ASH1L: variants seen among roughly 807,000 people sequenced by gnomAD.
The protein encoded by ASH1L is ASH1 like histone lysine methyltransferase, also known as histone-lysine N-methyltransferase ASH1L.
A neutral mutation model predicts 269.0 loss-of-function variants in ASH1L; 23 were observed. The observed-to-expected ratio is 0.09, with a 90% CI of 0.06 to 0.12. The LOEUF (loss-of-function observed/expected upper bound fraction) is 0.12. Ranked by LOEUF, ASH1L falls within the 10% of genes least tolerant of loss-of-function variation. ASH1L has a pLI of 1.00. For synonymous variants in ASH1L, 1,187 were observed against 1,253.5 expected (o/e 0.95, Z 1.12); for missense variants, 2,912 against 3,567.8 (o/e 0.82, Z 4.68).
intron 4 of ASH1L, among the ~76,000 whole-genome samples, chr1:155,459,397 T>C (rs931966191): frequency 1.3e-5 from 2 of 152,186 alleles, no homozygotes; most frequent in East Asian, 1.9e-4. Context: ...GGTTTCACCA[T>C]GTTGAACAGG....
At chr1:155,358,561 A>G (rs530667139) in intron 13 of ASH1L, among the ~76,000 whole-genome samples, 63 of 151,946 alleles carry the variant, frequency 4.1e-4, no homozygotes, top group Middle Eastern at 6.8e-3. Flanking sequence ...GGTGACAGGC[A>G]CCTGTAGTCC....
intron 3 of ASH1L, among the ~76,000 whole-genome samples, chr1:155,465,416 C>T (rs1049056464): frequency 6.6e-6 from 1 of 151,294 alleles, no homozygotes; most frequent in East Asian, 1.9e-4. Context: ...TTTAGTCACA[C>T]TCTGGAGATC....
chr1:155,365,883 A>C lies in ASH1L; in HGVS notation c.6686+4621T>G, dbSNP rs994516539. On this transcript the variant is annotated intron_variant, in intron 12 of 27. Transcript: ENST00000392403. The stretch of plus-strand genomic sequence containing the variant: ...ATACAAGAGACCCTAATAGGCAGGA[A>C]TATCATCACCGCTATTCAACCTGAA... Among the ~76,000 whole-genome samples the C allele has an allele frequency of 2.0e-5, 3 of 152,214 alleles. No homozygotes were observed. In the South Asian group the frequency reaches 6.2e-4, roughly 31 times the overall value.
intron 5 of ASH1L, chr1:155,433,042 AATC>A: frequency 9.9e-7 from 1 of 1,013,178 alleles, no homozygotes. Flanking sequence ...TAAAGGCAGA[AATC>A]ATCCTCCTTG....
chr1:155,371,998 TA>T (rs1384015880), intron 10 of ASH1L, among the ~76,000 whole-genome samples: 4 of 151,596 alleles, frequency 2.6e-5, no homozygotes, highest in Non-Finnish European at 5.9e-5. Flanking sequence ...ACCCGGCCGC[TA>T]ATTTACTCTT....
At chr1:155,533,713 G>A (rs1276908362) in intron 1 of ASH1L, among the ~76,000 whole-genome samples, 6 of 141,336 alleles carry the variant, frequency 4.2e-5, no homozygotes, top group South Asian at 2.2e-4. Flanking sequence ...GCGAGACTCC[G>A]TCTCAAAAAA....
At chr1:155,373,496 T>C (rs1044286014) in intron 10 of ASH1L, among the ~76,000 whole-genome samples, 3 of 152,094 alleles carry the variant, frequency 2.0e-5, no homozygotes, top group African/African-American at 7.2e-5. Context: ...CTTGCTGCTA[T>C]GTTGCTTAGG....
intron 6 of ASH1L, among the ~76,000 whole-genome samples, chr1:155,413,332 A>G (rs1334142956): frequency 1.3e-5 from 2 of 152,098 alleles, no homozygotes; most frequent in Non-Finnish European, 2.9e-5. Flanking sequence ...TGGGCCAGGC[A>G]TGGTGGCTCA....
At chr1:155,397,743 G>T (rs1241806839) in intron 6 of ASH1L, among the ~76,000 whole-genome samples, 1 of 151,980 alleles carries the variant, frequency 6.6e-6, no homozygotes, top group African/African-American at 2.4e-5. Context: ...TGTATTTTTA[G>T]TAGAGACAGG....
chr1:155,491,865 G>T (rs973459978), intron 2 of ASH1L, among the ~76,000 whole-genome samples: 2 of 151,586 alleles, frequency 1.3e-5, no homozygotes, highest in African/African-American at 4.9e-5. Context: ...TAGAGATGGA[G>T]TCTCACCATG....
At position 155,336,334 on chromosome 1, in the gene ASH1L, GGT is replaced by G. The variant is rs748191461; in HGVS notation, c.*1324_*1325del. The stretch of plus-strand genomic sequence containing the variant: ...TGTATTGCTTACCAATCACACAGCA[GGT>G]GTGTGTGTGTGTGTGTATATATATA... On this transcript the variant is annotated 3_prime_UTR_variant, in exon 28 of 28. Coordinates refer to ENST00000392403, the MANE Select transcript of ASH1L (RefSeq NM_018489.3). 4.1e-4 allele frequency: 44 copies of G among 106,172 alleles called. No homozygotes were observed. The highest frequency in any genetic ancestry group is 3.8e-3 in the East Asian group (14 of 3,728). 6.6% of individuals were successfully genotyped at this position (106,172 alleles called of 1,614,324 possible). A position where few individuals can be genotyped will look rare whatever the true frequency, so the allele number is the denominator to read the frequency against.
At chr1:155,452,683 T>C (rs578121125) in intron 4 of ASH1L, among the ~76,000 whole-genome samples, 3 of 152,088 alleles carry the variant, frequency 2.0e-5, no homozygotes, top group East Asian at 1.9e-4. Context: ...GCCTCCCAAG[T>C]AGCTGGGACT....
chr1:155,478,702 G>T lies in ASH1L; in HGVS notation c.4168C>A (p.Pro1390Thr). ...PSYGMPYSPSPLTAAPIGLGY... is the reference protein window; with the variant it reads ...PSYGMPYSPSTLTAAPIGLGY... ...AATCCTATGGGAGCAGCTGTAAGGGGTGAAGGAGAGTAAGGCATACCATAA... is the reference window on the plus strand; with the variant it reads ...AATCCTATGGGAGCAGCTGTAAGGGTTGAAGGAGAGTAAGGCATACCATAA... Residue 1390 changes from proline (P) to threonine (T), a missense_variant, in exon 3 of 28, where the codon CCC becomes ACC. Around this residue, in one of 13 missense-constraint regions of ASH1L, gnomAD observed 789 missense variants for 897.6 expected, o/e 0.88. Transcript: ENST00000392403. The surrounding 1 kb of genome is among the most constrained non-coding windows in gnomAD (Gnocchi z 4.6). 1 of 1,614,038 alleles carries T rather than the reference G, an allele frequency of 6.2e-7. No homozygotes were observed. The highest frequency in any genetic ancestry group is 8.5e-7 in the Non-Finnish European group (1 of 1,180,018).
At position 155,354,509 on chromosome 1, in the gene ASH1L, T is replaced by G; in HGVS notation, c.7177A>C (p.Asn2393His). ...IHSASLYTRW[N>H]GICRDDGNIK... is the part of the protein sequence containing the mutation. ...TTCCCATCATCTCGGCAGATCCCAT[T>G]CCAACGGGTATATAATGATGCTGAG... The change falls in exon 16 of 28, where the codon AAT becomes CAT. Residue 2393 changes from asparagine (N) to histidine (H), a missense_variant. Physicochemically the swap from Asn to His is moderately conservative, Grantham distance 68. Transcript: ENST00000392403. 1 of 1,612,008 alleles carries G rather than the reference T, an allele frequency of 6.2e-7. No individual in the cohort carries two copies.
At chr1:155,498,668 C>T (rs556947008) in intron 2 of ASH1L, among the ~76,000 whole-genome samples, 1 of 151,800 alleles carries the variant, frequency 6.6e-6, no homozygotes, top group East Asian at 1.9e-4. Context: ...CTTGAACTCC[C>T]GAACTCAGGT....
intron 4 of ASH1L, among the ~76,000 whole-genome samples, chr1:155,454,897 T>G (rs1571257441): frequency 6.6e-6 from 1 of 152,318 alleles, no homozygotes; most frequent in East Asian, 1.9e-4. Context: ...TCTTTTGGCT[T>G]AAAATAGTAG....
chr1:155,480,277 GTTC>G lies in ASH1L; in HGVS notation c.2590_2592del (p.Glu864del), dbSNP rs1424150189. On this transcript the variant is annotated inframe_deletion, in exon 3 of 28. Transcript: ENST00000392403. ...TCAATTTCTGGCTGTAAAATTGGGG[GTTC>G]TTGTTCTTCCTTAGACTGTAAAGAA... The G allele has an allele frequency of 3.1e-6, 5 of 1,613,984 alleles. No homozygotes were observed. Among genetic ancestry groups the G allele is most frequent in the Non-Finnish European group, 4.2e-6 (5 of 1,179,998 alleles).
At position 155,481,891 on chromosome 1, in the gene ASH1L, T is replaced by C; in HGVS notation, c.979A>G (p.Thr327Ala). The change falls in exon 3 of 28, where the codon ACT (threonine) becomes GCT (alanine). Residue 327 changes from threonine to alanine, a missense_variant. Thr to Ala is a moderately conservative substitution (Grantham distance 58). Transcript: ENST00000392403. ...CTTAGCAGTCCTACTGTAGTGATAG[T>C]TCCTGGCTTTTTGCCTAAGTTTTTA... ...INKNLGKKPG[T>A]ITTVGLLSKD... 6.2e-7 allele frequency: 1 copy of C among 1,614,194 alleles called. No individual in the cohort carries two copies. The highest frequency in any genetic ancestry group is 8.5e-7 in the Non-Finnish European group (1 of 1,180,022).
intron 13 of ASH1L, 66 bp from the exon 14 acceptor site, chr1:155,357,815 G>A: frequency 1.4e-6 from 2 of 1,443,516 alleles, no homozygotes; most frequent in Non-Finnish European, 1.9e-6. Flanking sequence ...CTGTCACTCA[G>A]GCTGAAGTAC....
Sources: allele counts gnomAD v4.1 joint callset (sites outside exome capture counted in the v4.1 genomes callset), GRCh38; gene constraint gnomAD v4.1.1; regional missense constraint gnomAD v4.1.1; non-coding constraint Gnocchi (gnomAD v3.1); transcripts MANE v1.5; gene names NCBI Gene and HGNC (gene_info 2026-07-23, HGNC 2026-07-21).